IFT122: variants seen among roughly 807,000 people sequenced by gnomAD.
IFT122 encodes intraflagellar transport 122.
IFT122 carries 118 observed loss-of-function variants against 161.6 expected under a neutral mutation model. That is an observed-to-expected ratio of 0.73 (90% confidence interval 0.63 to 0.85). The LOEUF is 0.85. Ranked by LOEUF, IFT122 falls within the 40% of genes least tolerant of loss-of-function variation. The pLI is 0.00. For synonymous variants in IFT122, 550 were observed against 602.4 expected (o/e 0.91, Z 1.27); for missense variants, 1,381 against 1,579.6 (o/e 0.87, Z 2.13).
chr3:129,465,947 A>AT (rs1462182574), intron 7 of IFT122, among the ~76,000 whole-genome samples: 1 of 151,188 alleles, frequency 6.6e-6, no homozygotes, highest in Admixed American at 6.6e-5. Context: ...CGCCTGGCTA[A>AT]TTTTTTGTTG....
chr3:129,460,430 C>T (rs2076092556), intron 4 of IFT122, among the ~76,000 whole-genome samples: 2 of 151,064 alleles, frequency 1.3e-5, no homozygotes, highest in South Asian at 4.2e-4. Flanking sequence ...GAATTTACTT[C>T]CTTTTTTTTC....
In IFT122 at chr3:129,483,493, C is replaced by T. The variant is rs764550583; in HGVS notation, c.1662C>T (p.Asn554=). ...CTGTCCCTGTTCCCCAGGAACCAAA[C>T]GCCAACAGTGTAGCTTGGAACACCC... ...DTKELLFQEP[N]ANSVAWNTQC... is the part of the protein sequence containing the mutation. The change falls in exon 15 of 30, where the codon AAC becomes AAT. Residue 554 remains asparagine (N), a synonymous_variant. Coordinates refer to ENST00000348417, the MANE Select transcript of IFT122 (RefSeq NM_052989.3). 8.7e-6 allele frequency: 14 copies of T among 1,613,936 alleles called. No individual in the cohort carries two copies. Among genetic ancestry groups the T allele is most frequent in the South Asian group, 1.1e-5 (1 of 91,046 alleles).
At chr3:129,501,153 G>T (rs3821915) in intron 19 of IFT122, among the ~76,000 whole-genome samples, 1 of 152,044 alleles carries the variant, frequency 6.6e-6, no homozygotes, top group East Asian at 1.9e-4. Flanking sequence ...CGGACCTTGA[G>T]GGGGAAGGCT....
chr3:129,517,472 T>G lies in IFT122; in HGVS notation c.3269T>G (p.Val1090Gly). 1 of 1,613,604 alleles carries G rather than the reference T, an allele frequency of 6.2e-7. No homozygotes were observed. The change falls in exon 27 of 30, where the codon GTG becomes GGG. Residue 1090 changes from valine to glycine, a missense_variant. Around this residue, in one of 7 missense-constraint regions of IFT122, gnomAD observed 177 missense variants for 199.2 expected, o/e 0.89. Coordinates refer to ENST00000348417, the MANE Select transcript of IFT122 (RefSeq NM_052989.3). Reference sequence around the variant, plus strand: ...GCCCTTTCTCTATGCCCTCCAGACGTGCTACACCTGGTTGAGTTCTACCTG... The same window carrying G: ...GCCCTTTCTCTATGCCCTCCAGACGGGCTACACCTGGTTGAGTTCTACCTG... ...PFIFSASSYDVLHLVEFYLEE... is the reference protein window; with the variant it reads ...PFIFSASSYDGLHLVEFYLEE...
intron 26 of IFT122, among the ~76,000 whole-genome samples, chr3:129,516,130 CAG>C (rs1491568621): frequency 4.7e-5 from 7 of 148,482 alleles, no homozygotes; most frequent in Admixed American, 1.3e-4. Flanking sequence ...CCTGCACACA[CAG>C]AGACTGCCCC....
At chr3:129,508,469 A>C (rs1159363704) in intron 23 of IFT122, among the ~76,000 whole-genome samples, 4 of 152,164 alleles carry the variant, frequency 2.6e-5, no homozygotes, top group Non-Finnish European at 5.9e-5. Flanking sequence ...TGTCACCCCC[A>C]TGTTACAGAT....
intron 21 of IFT122, 106 bp downstream of exon 21, chr3:129,504,527 T>C (rs1279321133): frequency 2.3e-6 from 2 of 862,076 alleles, no homozygotes; most frequent in Non-Finnish European, 2.0e-6. Context: ...GATCCCAAGA[T>C]AGATGACTTC....
intron 8 of IFT122, among the ~76,000 whole-genome samples, chr3:129,467,281 T>A (rs546977982): frequency 2.7e-5 from 4 of 150,274 alleles, no homozygotes; most frequent in Admixed American, 2.6e-4. Context: ...CTGAAAAGAC[T>A]AAAGGAGAAA....
At chr3:129,506,289 G>A in intron 21 of IFT122, 120 bp from the exon 22 acceptor site, 3 of 1,129,770 alleles carry the variant, frequency 2.7e-6, no homozygotes, top group African/African-American at 1.5e-5. Context: ...CACTGCAGAT[G>A]CTCCAATGAG....
rs1021586881 is a variant in IFT122, at chr3:129,520,372, A to G, written c.*107A>G. The G allele has an allele frequency of 4.2e-6, 4 of 953,380 alleles. No homozygotes were observed. In the African/African-American group the frequency reaches 6.5e-5, roughly 15 times the overall value. The allele number at this position is 953,380 out of a possible 1,614,324, so 59.1% of individuals were successfully genotyped here. A position where few individuals can be genotyped will look rare whatever the true frequency, so the allele number is the denominator to read the frequency against. On this transcript the variant is annotated 3_prime_UTR_variant, in exon 30 of 30. Transcript: ENST00000348417. Reference sequence around the variant, plus strand: ...CAGAATGTGTTTCTTGCCCAGATGAAGTTTGTGTTTTGTGGGGGGGGCCTT... The same window carrying G: ...CAGAATGTGTTTCTTGCCCAGATGAGGTTTGTGTTTTGTGGGGGGGGCCTT...
At chr3:129,451,840 TAGC>T (rs2074896386) in intron 2 of IFT122, 71 bp from the exon 3 acceptor site, 28 of 1,249,108 alleles carry the variant, frequency 2.2e-5, no homozygotes, top group Non-Finnish European at 3.3e-5. Context: ...AAAACAAAAA[TAGC>T]AGTAGCAACC....
intron 3 of IFT122, among the ~76,000 whole-genome samples, chr3:129,452,958 G>A (rs563822123): frequency 6.6e-6 from 1 of 152,256 alleles, no homozygotes; most frequent in East Asian, 1.9e-4. Flanking sequence ...GATTGGATAT[G>A]GGCTATGAAG....
rs185673123 is a variant in IFT122 at position 129,449,726 on chromosome 3, T to A, written c.42-145T>A. 85 of 688,068 alleles carry A rather than the reference T, an allele frequency of 1.2e-4. 3 individuals are homozygous for A. The highest frequency in any genetic ancestry group is 1.1e-3 in the Admixed American group (56 of 49,502). The allele number at this position is 688,068 out of a possible 1,614,324, so 42.6% of individuals were successfully genotyped here. ...TGTGGTGTGGCGGTTGAATGGAATT[T>A]GCAACAAATGCAATTCGTAGTTATT... On this transcript the variant is annotated intron_variant, in intron 1 of 29. Coordinates refer to ENST00000348417, the MANE Select transcript of IFT122 (RefSeq NM_052989.3).
intron 9 of IFT122, among the ~76,000 whole-genome samples, chr3:129,471,583 A>G (rs2077376021): frequency 6.6e-6 from 1 of 152,220 alleles, no homozygotes; most frequent in African/African-American, 2.4e-5. Flanking sequence ...GGCCACAGGA[A>G]ATATCTTGCA....
intron 11 of IFT122, among the ~76,000 whole-genome samples, chr3:129,477,016 C>T (rs2108282900): frequency 6.8e-6 from 1 of 147,980 alleles, no homozygotes; most frequent in African/African-American, 2.5e-5. Context: ...AGCAATAAAT[C>T]CTCTCTGAAA....
chr3:129,476,158 C>T (rs2077920142), intron 9 of IFT122, 157 bp from the exon 10 acceptor site: 1 of 764,574 alleles, frequency 1.3e-6, no homozygotes, highest in Non-Finnish European at 2.2e-6. Context: ...GCAGAGAGGC[C>T]TGTGTTCACC....
chr3:129,490,978 C>T (rs1376792971), intron 16 of IFT122, among the ~76,000 whole-genome samples: 2 of 152,136 alleles, frequency 1.3e-5, no homozygotes, highest in Admixed American at 6.5e-5. Context: ...GCATGTGGTT[C>T]GTAGTTGGAG....
intron 14 of IFT122, among the ~76,000 whole-genome samples, chr3:129,482,036 C>T (rs1349045174): frequency 6.6e-6 from 1 of 152,236 alleles, no homozygotes; most frequent in East Asian, 1.9e-4. Context: ...GTGAATGGGG[C>T]GATGGATGCA....
intron 1 of IFT122, among the ~76,000 whole-genome samples, chr3:129,448,826 G>A (rs1326891898): frequency 6.6e-6 from 1 of 151,890 alleles, no homozygotes; most frequent in African/African-American, 2.4e-5. Context: ...CGAGTAGCTG[G>A]GATTACAGGC....
Sources: gnomAD v4.1 joint callset for allele counts (sites outside exome capture counted in the v4.1 genomes callset) on GRCh38, gnomAD v4.1.1 for gene constraint, gnomAD v4.1.1 regional missense constraint, MANE v1.5 for transcripts, NCBI Gene and HGNC (gene_info 2026-07-23, HGNC 2026-07-21) for gene names.